The following FOXRED2 variants were observed in gnomAD, a reference collection of about 807,000 sequenced individuals.
FOXRED2 encodes FAD-dependent oxidoreductase domain-containing protein 2.
FOXRED2 carries 32 observed loss-of-function variants against 52.5 expected under a neutral mutation model. The observed-to-expected ratio is 0.61, with a 90% CI of 0.46 to 0.82. The LOEUF is 0.82. FOXRED2 is among the 40% of genes least tolerant of loss of function. FOXRED2 has a pLI of 0.00. For synonymous variants in FOXRED2, 405 were observed against 398.1 expected, an observed-to-expected ratio of 1.02 and a Z score of -0.21; for missense variants, 848 against 937.5, an observed-to-expected ratio of 0.90 and a Z score of 1.25.
chr22:36,488,386 G>C lies in FOXRED2; in HGVS notation c.*1622C>G, dbSNP rs1933660044. The stretch of plus-strand genomic sequence containing the variant: ...CAATTCTCCTGCCTCAGCTTCCCAA[G>C]TAGCTGGGATGACAGGCATGCTCCA... On this transcript the variant is annotated 3_prime_UTR_variant, in exon 9 of 9. Coordinates refer to ENST00000397224, the MANE Select transcript of FOXRED2 (RefSeq NM_001102371.2). 6.6e-6 allele frequency: 1 copy of C among 152,042 alleles called. No homozygotes were observed. Among genetic ancestry groups the C allele is most frequent in the African/African-American group, 2.4e-5 (1 of 41,328 alleles). The allele number at this position is 152,042 out of a possible 1,614,324, so 9.4% of individuals were successfully genotyped here.
At position 36,506,366 on chromosome 22, in the gene FOXRED2, G is replaced by T; in HGVS notation, c.57C>A (p.Ile19=). ...GCACCGACAGCGCTGGGTGCAGGGCGATGGCCAGGAGCAGCCCCGGGGGAC... is the reference window on the plus strand; with the variant it reads ...GCACCGACAGCGCTGGGTGCAGGGCTATGGCCAGGAGCAGCCCCGGGGGAC... The part of the protein sequence containing the change: ...LWGPPGLLLA[I]ALHPALSVPP... The change falls in exon 2 of 9, where the codon ATC becomes ATA. Residue 19 remains isoleucine, a synonymous_variant. Coordinates refer to ENST00000397224, the MANE Select transcript of FOXRED2 (RefSeq NM_001102371.2). 1 of 1,453,320 alleles carries T rather than the reference G, an allele frequency of 6.9e-7. No homozygotes were observed. The highest frequency in any genetic ancestry group is 1.4e-5 in the South Asian group (1 of 70,978). 90.0% of individuals were successfully genotyped at this position (1,453,320 alleles called of 1,614,324 possible). A position where few individuals can be genotyped will look rare whatever the true frequency, so the allele number is the denominator to read the frequency against.
intron 5 of FOXRED2, 196 bp from the exon 6 acceptor site, chr22:36,498,352 T>C: frequency 1.7e-6 from 1 of 599,132 alleles, no homozygotes; most frequent in South Asian, 2.1e-5. Context: ...AGCAGGTATT[T>C]TCTGGAAAGG....
At chr22:36,506,478 C>A in intron 1 of FOXRED2, 55 bp from the exon 2 acceptor site, 1 of 1,405,170 alleles carries the variant, frequency 7.1e-7, no homozygotes, top group Non-Finnish European at 9.3e-7. Context: ...CTGGGAGACA[C>A]GAGGCCCAGA....
rs1313906690 is a variant in FOXRED2, at chr22:36,489,956, G to A, written c.*52C>T. 1 of 1,497,268 alleles carries A rather than the reference G, an allele frequency of 6.7e-7. No individual in the cohort carries two copies. Among genetic ancestry groups the A allele is most frequent in the Non-Finnish European group, 8.9e-7 (1 of 1,117,536 alleles). 92.7% of individuals were successfully genotyped at this position (1,497,268 alleles called of 1,614,324 possible). On this transcript the variant is annotated 3_prime_UTR_variant, in exon 9 of 9. Transcript: ENST00000397224. ...TTGCGGGGAAAGAGGGACTGACCAT[G>A]GGCCTAGGTGGGGAGGCCTGGCCAC...
intron 8 of FOXRED2, among the ~76,000 whole-genome samples, chr22:36,491,093 C>T (rs62229980): frequency 0.097 from 14,791 of 151,726 alleles, 789 homozygotes; most frequent in East Asian, 0.15. Context: ...ATCCAGGAGG[C>T]GGACGTTGCA....
chr22:36,498,184 C>T (rs772331644), intron 5 of FOXRED2, 28 bp from the exon 6 acceptor site: 21 of 1,595,024 alleles, frequency 1.3e-5, no homozygotes, highest in Middle Eastern at 2.2e-4. Flanking sequence ...AGGAACGGCA[C>T]GCTGCACTTA....
intron 6 of FOXRED2, among the ~76,000 whole-genome samples, chr22:36,497,429 T>C (rs1015545987): frequency 1.3e-5 from 2 of 152,208 alleles, no homozygotes; most frequent in African/African-American, 4.8e-5. Context: ...CTGAACTTGG[T>C]GTGCTATAGC....
intron 6 of FOXRED2, 101 bp from the exon 7 acceptor site, chr22:36,496,309 C>T (rs1324481781): frequency 2.1e-6 from 3 of 1,413,994 alleles, no homozygotes; most frequent in Admixed American, 2.1e-5. Flanking sequence ...ATCTCCCCCT[C>T]TAAGGAGCGT....
chr22:36,500,683 A>C (rs1934019989), intron 5 of FOXRED2, among the ~76,000 whole-genome samples: 1 of 150,444 alleles, frequency 6.6e-6, no homozygotes, highest in Non-Finnish European at 1.5e-5. Flanking sequence ...TCCTGGGTTC[A>C]AGTGATTCTC....
intron 6 of FOXRED2, among the ~76,000 whole-genome samples, chr22:36,496,609 G>T (rs926934751): frequency 6.6e-6 from 1 of 152,204 alleles, no homozygotes; most frequent in Non-Finnish European, 1.5e-5. Flanking sequence ...ATGACGAGAC[G>T]TGAGGAGTCG....
At chr22:36,496,651 T>G (rs5756220) in intron 6 of FOXRED2, among the ~76,000 whole-genome samples, 25,525 of 152,116 alleles carry the variant, frequency 0.17, 2,791 homozygotes, top group African/African-American at 0.31. Context: ...GCTGGTTGCT[T>G]GGGAGGACTG....
Position 36,489,191 on chromosome 22 carries a change from C to T in FOXRED2, c.*817G>A, listed in dbSNP as rs1933681793. 1 of 152,232 alleles carries T rather than the reference C, an allele frequency of 6.6e-6. No individual in the cohort carries two copies. The highest frequency in any genetic ancestry group is 2.4e-5 in the African/African-American group (1 of 41,382). 9.4% of individuals were successfully genotyped at this position (152,232 alleles called of 1,614,324 possible). A position where few individuals can be genotyped will look rare whatever the true frequency, so the allele number is the denominator to read the frequency against. ...AGGCATGGTTCAGGATGGCAGAGGG[C>T]AGGGAGACAGAAGGGAGTAGGATGG... On this transcript the variant is annotated 3_prime_UTR_variant, in exon 9 of 9. Transcript: ENST00000397224.
chr22:36,503,671 C>T (rs1811774720), intron 4 of FOXRED2, among the ~76,000 whole-genome samples: 1 of 152,160 alleles, frequency 6.6e-6, no homozygotes, highest in African/African-American at 2.4e-5. Context: ...CTTTGAATCC[C>T]ATTTTAGACA....
chr22:36,500,583 A>ATTTTTTT (rs5845272), intron 5 of FOXRED2, among the ~76,000 whole-genome samples: 1 of 136,756 alleles, frequency 7.3e-6, no homozygotes, highest in Non-Finnish European at 1.5e-5. Flanking sequence ...ATCCAATTAC[A>ATTTTTTT]TTTTTTTTTT....
intron 5 of FOXRED2, among the ~76,000 whole-genome samples, chr22:36,500,300 C>G (rs1030651104): frequency 1.6e-4 from 24 of 152,268 alleles, no homozygotes; most frequent in Admixed American, 1.4e-3. Flanking sequence ...TCACACCCAC[C>G]TTTCGGGGTG....
intron 8 of FOXRED2, among the ~76,000 whole-genome samples, chr22:36,490,637 C>A (rs185737864): frequency 6.6e-6 from 1 of 152,222 alleles, no homozygotes; most frequent in African/African-American, 2.4e-5. Flanking sequence ...CGGCCTGGTG[C>A]GGCTGGGAAC....
intron 5 of FOXRED2, among the ~76,000 whole-genome samples, chr22:36,500,094 C>T (rs1934005928): frequency 6.6e-6 from 1 of 152,178 alleles, no homozygotes; most frequent in South Asian, 2.1e-4. Flanking sequence ...ACCCACCGTG[C>T]CTGGCCACAT....
chr22:36,490,519 T>C (rs2145838151), intron 8 of FOXRED2, among the ~76,000 whole-genome samples: 1 of 152,270 alleles, frequency 6.6e-6, no homozygotes, highest in Admixed American at 6.5e-5. Context: ...GGCTCCAAAA[T>C]AAAAGCAAAC....
At chr22:36,490,524 G>C (rs112780512) in intron 8 of FOXRED2, among the ~76,000 whole-genome samples, 2,911 of 152,336 alleles carry the variant, frequency 0.019, 47 homozygotes, top group African/African-American at 0.047. Context: ...CAAAATAAAA[G>C]CAAACCACAG....
Sources: gnomAD v4.1 joint callset for allele counts (sites outside exome capture counted in the v4.1 genomes callset) on GRCh38, gnomAD v4.1.1 for gene constraint, MANE v1.5 for transcripts, NCBI Gene and HGNC (gene_info 2026-07-23, HGNC 2026-07-21) for gene names.